Variants in KDELR2 observed in about 807,000 individuals in gnomAD.
KDELR2 encodes the protein KDEL endoplasmic reticulum protein retention receptor 2, also known as ER lumen protein-retaining receptor 2.
Under a neutral mutation model 23.9 loss-of-function variants are expected in KDELR2, and 15 were observed. The ratio of observed to expected loss-of-function variants is 0.63; its 90% CI spans 0.42 to 0.97. The LOEUF is 0.97. Among genes scored for constraint, KDELR2 ranks in the 50% least tolerant of loss-of-function variants. KDELR2 has a pLI of 0.00. For synonymous variants in KDELR2, 119 were observed against 106.2 expected (o/e 1.12, Z -0.74); for missense variants, 272 against 254.6 (o/e 1.07, Z -0.46).
At chr7:6,464,897 C>T (rs924645634) in intron 4 of KDELR2, among the ~76,000 whole-genome samples, 4 of 151,810 alleles carry the variant, frequency 2.6e-5, no homozygotes, top group Admixed American at 6.6e-5. Flanking sequence ...CCACCACACC[C>T]GGCTAATTTT....
intron 1 of KDELR2, 22 bp downstream of exon 1, chr7:6,483,945 C>A: frequency 6.7e-7 from 1 of 1,491,160 alleles, no homozygotes; most frequent in Non-Finnish European, 9.0e-7. Flanking sequence ...CGAGCCTCTC[C>A]GGGCCTTCCC....
chr7:6,469,233 T>A (rs1240419886), intron 3 of KDELR2, among the ~76,000 whole-genome samples: 1 of 152,066 alleles, frequency 6.6e-6, no homozygotes, highest in Non-Finnish European at 1.5e-5. Flanking sequence ...ATTACAGGCG[T>A]GAGCCACTAC....
intron 1 of KDELR2, among the ~76,000 whole-genome samples, chr7:6,474,581 AATATATCACCTTAAGTAGG>A (rs1465946201): frequency 1.4e-4 from 21 of 152,286 alleles, no homozygotes; most frequent in Admixed American, 1.2e-3. Flanking sequence ...TTACTTCTCA[AATATATCACCTTAAGTAGG>A]AACAAATTTC....
At position 6,483,977 on chromosome 7, in the gene KDELR2, G is replaced by A; in HGVS notation, c.81C>T (p.Arg27=). Residue 27 remains arginine (R), a synonymous_variant, in exon 1 of 5, where the codon CGC becomes CGT. Coordinates refer to ENST00000258739, the MANE Select transcript of KDELR2 (RefSeq NM_006854.4). ...TCCCCCGCCGCTCACCGGCGCAGGA[G>A]CGCGTCTTCCAGATCTTCAGCAGCA... ...VILLLKIWKT[R]SCAGISGKSQ... 6.5e-7 allele frequency: 1 copy of A among 1,530,302 alleles called. No individual in the cohort carries two copies. The highest frequency in any genetic ancestry group is 8.8e-7 in the Non-Finnish European group (1 of 1,136,598). The allele number at this position is 1,530,302 out of a possible 1,614,324, so 94.8% of individuals were successfully genotyped here.
chr7:6,482,561 C>G, intron 1 of KDELR2: 1 of 470,776 alleles, frequency 2.1e-6, no homozygotes. Context: ...TCCCGGATCT[C>G]AGTTATGTTC....
chr7:6,482,288 C>G, intron 1 of KDELR2: 1 of 181,702 alleles, frequency 5.5e-6, no homozygotes, highest in Middle Eastern at 2.6e-3. Context: ...CATGAGCCAT[C>G]GCGGCCGGCC....
chr7:6,471,570 A>G (rs973259796), intron 2 of KDELR2, among the ~76,000 whole-genome samples: 8 of 152,156 alleles, frequency 5.3e-5, no homozygotes, highest in Admixed American at 1.3e-4. Flanking sequence ...CAATTAGCCT[A>G]TGGTAAAACT....
chr7:6,469,850 A>G (rs1785589395), intron 2 of KDELR2, 96 bp from the exon 3 acceptor site: 4 of 1,065,740 alleles, frequency 3.8e-6, no homozygotes, highest in Admixed American at 6.2e-5. Flanking sequence ...GAAAGGCAAG[A>G]TTTTTTTCCT....
intron 4 of KDELR2, among the ~76,000 whole-genome samples, chr7:6,463,753 T>TA (rs147990504): frequency 0.084 from 9,854 of 117,310 alleles, 432 homozygotes; most frequent in African/African-American, 0.16. Flanking sequence ...TTTAAAAAGA[T>TA]AAAAAAAAAA....
intron 1 of KDELR2, among the ~76,000 whole-genome samples, chr7:6,474,755 C>A (rs750022334): frequency 2.8e-4 from 43 of 152,192 alleles, no homozygotes; most frequent in Non-Finnish European, 4.9e-4. Flanking sequence ...CCTTGACCTC[C>A]TGGGCTTCAG....
intron 1 of KDELR2, among the ~76,000 whole-genome samples, chr7:6,475,983 C>T (rs1408623395): frequency 6.6e-6 from 1 of 152,170 alleles, no homozygotes; most frequent in Non-Finnish European, 1.5e-5. Context: ...ACAAGTACAG[C>T]CCACTGCACC....
Position 6,466,143 on chromosome 7 carries a change from G to C in KDELR2, c.532C>G (p.Leu178Val). 6.2e-7 allele frequency: 1 copy of C among 1,614,168 alleles called. No homozygotes were observed. The highest frequency in any genetic ancestry group is 8.5e-7 in the Non-Finnish European group (1 of 1,180,034). ...WRFYFEGFFD[L>V]IAVVAGVVQT... ...ACTACGCCGGCCACCACAGCAATGA[G>C]GTCAAAGAAGCCCTCAAAGTAGAAG... is the stretch of plus-strand genomic sequence containing the variant. Residue 178 changes from leucine (L) to valine (V), a missense_variant, in exon 4 of 5, where the codon CTC (leucine) becomes GTC (valine). Physicochemically the swap from Leu to Val is conservative, Grantham distance 32 (BLOSUM62 1). Coordinates refer to ENST00000258739, the MANE Select transcript of KDELR2 (RefSeq NM_006854.4).
At chr7:6,481,874 C>T (rs906386379) in intron 1 of KDELR2, among the ~76,000 whole-genome samples, 1 of 152,186 alleles carries the variant, frequency 6.6e-6, no homozygotes, top group African/African-American at 2.4e-5. Context: ...ACTAATTGTG[C>T]TTCAATCCTG....
intron 2 of KDELR2, among the ~76,000 whole-genome samples, chr7:6,471,788 G>A (rs1785648801): frequency 6.6e-6 from 1 of 152,218 alleles, no homozygotes; most frequent in African/African-American, 2.4e-5. Flanking sequence ...GAGGACAGTG[G>A]ATAAAGCTGC....
At chr7:6,470,558 G>C (rs1290483564) in intron 2 of KDELR2, among the ~76,000 whole-genome samples, 1 of 152,050 alleles carries the variant, frequency 6.6e-6, no homozygotes, top group African/African-American at 2.4e-5. Flanking sequence ...ACAAACTATG[G>C]TAAAATAATT....
intron 3 of KDELR2, among the ~76,000 whole-genome samples, chr7:6,467,408 G>A (rs373952243): frequency 5.9e-5 from 9 of 152,122 alleles, no homozygotes; most frequent in African/African-American, 1.9e-4. Flanking sequence ...TCTGCCCAGC[G>A]TATGACTTTA....
At position 6,471,865 on chromosome 7, in the gene KDELR2, G is replaced by T. The variant is rs181146450; in HGVS notation, c.193-2111C>A. Among the ~76,000 whole-genome samples, 28 of 152,066 alleles carry T rather than the reference G, an allele frequency of 1.8e-4. 1 individual carries two copies. Among genetic ancestry groups the T allele is most frequent in the Admixed American group, 1.7e-3 (26 of 15,248 alleles). On this transcript the variant is annotated intron_variant, in intron 2 of 4. Transcript: ENST00000258739. The stretch of plus-strand genomic sequence containing the variant: ...TCACTTCTCTTGGGTATGTACTTAG[G>T]GGTGGGACTGCTGGGTCATATGTTA...
intron 4 of KDELR2, among the ~76,000 whole-genome samples, chr7:6,464,617 G>C (rs1231949577): frequency 6.6e-6 from 1 of 152,104 alleles, no homozygotes; most frequent in Non-Finnish European, 1.5e-5. Context: ...GCTTGAACTT[G>C]GGAGGCAGAG....
chr7:6,466,454 A>G, intron 3 of KDELR2, 131 bp from the exon 4 acceptor site: 1 of 1,102,778 alleles, frequency 9.1e-7, no homozygotes, highest in Non-Finnish European at 1.3e-6. Flanking sequence ...CCAAAATAGA[A>G]CAACAGCTTG....
Sources: gnomAD v4.1 joint callset for allele counts (sites outside exome capture counted in the v4.1 genomes callset) on GRCh38, gnomAD v4.1.1 for gene constraint, MANE v1.5 for transcripts, NCBI Gene and HGNC (gene_info 2026-07-23, HGNC 2026-07-21) for gene names.